Variants in CACNA2D1 observed in about 807,000 individuals in gnomAD.
The protein encoded by CACNA2D1 is voltage-dependent calcium channel subunit alpha-2/delta-1.
In CACNA2D1, 53 loss-of-function variants were observed where a neutral mutation model predicts 171.5. The ratio of observed to expected loss-of-function variants is 0.31; its 90% CI spans 0.25 to 0.39. The LOEUF (loss-of-function observed/expected upper bound fraction) is 0.39. Ranked by LOEUF, CACNA2D1 falls within the 10% of genes least tolerant of loss-of-function variation. The probability of loss-of-function intolerance (pLI) is 1.00; values close to 1 mark genes in which losing one functional copy is unlikely to be tolerated. For synonymous variants in CACNA2D1, 442 were observed against 443.1 expected, an observed-to-expected ratio of 1.00 and a Z score of 0.03; for missense variants, 903 against 1,299.8, an observed-to-expected ratio of 0.69 and a Z score of 4.69.
At chr7:82,254,152 G>A (rs945363320) in intron 3 of CACNA2D1, among the ~76,000 whole-genome samples, 3 of 151,884 alleles carry the variant, frequency 2.0e-5, no homozygotes, top group Non-Finnish European at 4.4e-5. Flanking sequence ...ATCCATCTCC[G>A]CAATTTGGTT....
intron 3 of CACNA2D1, among the ~76,000 whole-genome samples, chr7:82,287,956 G>A (rs554852792): frequency 2.3e-4 from 34 of 150,762 alleles, no homozygotes; most frequent in Non-Finnish European, 4.3e-4. Flanking sequence ...TCAGCCTCCC[G>A]AGTAGCTGGC....
At chr7:82,183,969 G>A (rs1471138586) in intron 3 of CACNA2D1, among the ~76,000 whole-genome samples, 8 of 151,846 alleles carry the variant, frequency 5.3e-5, no homozygotes, top group Non-Finnish European at 1.2e-4. Context: ...TTGACTGGTG[G>A]TAAACTATTT....
chr7:82,107,011 C>T (rs1053541445), intron 6 of CACNA2D1, among the ~76,000 whole-genome samples: 3 of 152,112 alleles, frequency 2.0e-5, no homozygotes, highest in Admixed American at 6.5e-5. Flanking sequence ...GCAGAATTTC[C>T]TTTGGCTGTT....
intron 20 of CACNA2D1, among the ~76,000 whole-genome samples, chr7:81,992,740 T>C (rs1055627961): frequency 2.6e-5 from 4 of 152,200 alleles, no homozygotes; most frequent in Admixed American, 2.6e-4. Flanking sequence ...TTACTAATTT[T>C]TTAGTCAAGA....
intron 3 of CACNA2D1, among the ~76,000 whole-genome samples, chr7:82,233,065 A>C (rs912234987): frequency 6.6e-6 from 1 of 152,030 alleles, no homozygotes; most frequent in Non-Finnish European, 1.5e-5. Flanking sequence ...TATAACGGGG[A>C]AGTAATTAAC....
At chr7:82,189,553 T>C (rs1230711122) in intron 3 of CACNA2D1, among the ~76,000 whole-genome samples, 1 of 151,780 alleles carries the variant, frequency 6.6e-6, no homozygotes, top group Non-Finnish European at 1.5e-5. Context: ...AGATTGAAGA[T>C]AAACAAGATA....
intron 5 of CACNA2D1, among the ~76,000 whole-genome samples, chr7:82,120,054 G>C (rs543251398): frequency 3.7e-4 from 56 of 152,242 alleles, no homozygotes; most frequent in African/African-American, 1.3e-3. Flanking sequence ...ATCGTGGTAT[G>C]TTCCTATTAT....
chr7:82,157,266 T>C (rs569329382), intron 4 of CACNA2D1, among the ~76,000 whole-genome samples: 6 of 152,202 alleles, frequency 3.9e-5, no homozygotes, highest in African/African-American at 1.4e-4. Context: ...AAGTAGGCCA[T>C]ATAAAGCCCC....
chr7:82,264,042 T>C (rs1010754810), intron 3 of CACNA2D1, among the ~76,000 whole-genome samples: 5 of 152,294 alleles, frequency 3.3e-5, no homozygotes, highest in Admixed American at 6.5e-5. Context: ...TCATTCTAAA[T>C]TGGCAGATCT....
rs1354366922 is a variant in CACNA2D1 at position 81,949,207 on chromosome 7, C to T, written c.*1185G>A. On this transcript the variant is annotated 3_prime_UTR_variant, in exon 39 of 39. Transcript: ENST00000356860. ...TTTTCAAAAAATAAATGTGTCAAAT[C>T]TGATTTATGTACTTAAAATATCTGT... The T allele has an allele frequency of 1.3e-5, 2 of 152,028 alleles. No homozygotes were observed. The highest frequency in any genetic ancestry group is 2.1e-4 in the South Asian group (1 of 4,834). 9.4% of individuals were successfully genotyped at this position (152,028 alleles called of 1,614,324 possible).
chr7:82,123,299 T>C (rs754284901), intron 5 of CACNA2D1, among the ~76,000 whole-genome samples: 1 of 152,180 alleles, frequency 6.6e-6, no homozygotes, highest in Non-Finnish European at 1.5e-5. Context: ...AAGATATTCA[T>C]GGTAAACATC....
intron 3 of CACNA2D1, among the ~76,000 whole-genome samples, chr7:82,199,657 G>A (rs1413287771): frequency 1.3e-5 from 2 of 151,772 alleles, no homozygotes; most frequent in Non-Finnish European, 2.9e-5. Flanking sequence ...TTCTTCTTTG[G>A]CAGTTTCTTA....
intron 10 of CACNA2D1, chr7:82,050,730 G>T: frequency 1.5e-6 from 1 of 676,416 alleles, no homozygotes; most frequent in South Asian, 1.6e-5. Flanking sequence ...GAAAAATGTT[G>T]GAAGATGACA....
chr7:82,130,066 T>C (rs1396746049), intron 5 of CACNA2D1, among the ~76,000 whole-genome samples: 1 of 152,220 alleles, frequency 6.6e-6, no homozygotes, highest in Non-Finnish European at 1.5e-5. Context: ...CTATGACGTG[T>C]TCTTAAACTA....
At chr7:82,073,792 G>C (rs1384624952) in intron 7 of CACNA2D1, among the ~76,000 whole-genome samples, 1 of 151,980 alleles carries the variant, frequency 6.6e-6, no homozygotes, top group Non-Finnish European at 1.5e-5. Context: ...TTAGATACGG[G>C]GTTTCATCAT....
intron 1 of CACNA2D1, among the ~76,000 whole-genome samples, chr7:82,399,491 T>C (rs551883747): frequency 1.8e-4 from 28 of 151,948 alleles, no homozygotes; most frequent in Admixed American, 1.8e-3. Context: ...GAAATTCAAC[T>C]ATTTTCACAA....
chr7:82,017,714 G>T (rs1012355150), intron 12 of CACNA2D1, among the ~76,000 whole-genome samples: 1 of 151,750 alleles, frequency 6.6e-6, no homozygotes, highest in East Asian at 1.9e-4. Context: ...TAAAACTTAA[G>T]GTAAATTACC....
chr7:82,361,947 A>G (rs1255912536), intron 1 of CACNA2D1, among the ~76,000 whole-genome samples: 1 of 152,168 alleles, frequency 6.6e-6, no homozygotes, highest in East Asian at 1.9e-4. Flanking sequence ...TCTCATGAAA[A>G]GCCTCATTTG....
intron 3 of CACNA2D1, among the ~76,000 whole-genome samples, chr7:82,187,556 C>CAA (rs71093368): frequency 6.6e-6 from 1 of 150,390 alleles, no homozygotes; most frequent in African/African-American, 2.4e-5. Context: ...TAAACATTGC[C>CAA]AAAAAAAAAG....
Sources: allele counts gnomAD v4.1 joint callset (sites outside exome capture counted in the v4.1 genomes callset), GRCh38; gene constraint gnomAD v4.1.1; transcripts MANE v1.5; gene names NCBI Gene and HGNC (gene_info 2026-07-23, HGNC 2026-07-21).